The following SYN3 variants were observed in gnomAD, a reference collection of about 807,000 sequenced individuals.
SYN3 encodes synapsin III.
SYN3 carries 35 observed loss-of-function variants against 65.8 expected under a neutral mutation model. The ratio of observed to expected loss-of-function variants is 0.53; its 90% CI spans 0.41 to 0.70. The LOEUF is 0.70. SYN3 is among the 30% of genes least tolerant of loss of function. SYN3 has a pLI of 0.00. For synonymous variants in SYN3, 270 were observed against 292.9 expected, an observed-to-expected ratio of 0.92 and a Z score of 0.80; for missense variants, 680 against 749.0, an observed-to-expected ratio of 0.91 and a Z score of 1.08.
chr22:33,017,239 A>T (rs2053482669), intron 1 of SYN3, among the ~76,000 whole-genome samples: 1 of 151,946 alleles, frequency 6.6e-6, no homozygotes, highest in Non-Finnish European at 1.5e-5. Flanking sequence ...TATTTCTGGG[A>T]TCTCTTTGCT....
chr22:32,645,909 G>C (rs1309794849), intron 6 of SYN3, among the ~76,000 whole-genome samples: 1 of 151,922 alleles, frequency 6.6e-6, no homozygotes, highest in Non-Finnish European at 1.5e-5. Context: ...TGGGGGTTGG[G>C]GTGGGGTGGG....
chr22:32,811,958 G>A (rs541853083), intron 6 of SYN3, among the ~76,000 whole-genome samples: 6 of 152,258 alleles, frequency 3.9e-5, no homozygotes, highest in South Asian at 4.1e-4. Flanking sequence ...GTCAGCAACC[G>A]CTCCCCTATC....
At chr22:32,537,162 C>T (rs1489703455) in intron 9 of SYN3, among the ~76,000 whole-genome samples, 1 of 151,896 alleles carries the variant, frequency 6.6e-6, no homozygotes, top group Non-Finnish European at 1.5e-5. Flanking sequence ...TCGACCCTTC[C>T]CCCCCTTTTT....
At chr22:32,604,833 C>A (rs555909007) in intron 6 of SYN3, among the ~76,000 whole-genome samples, 17 of 151,384 alleles carry the variant, frequency 1.1e-4, no homozygotes, top group Middle Eastern at 3.4e-3. Flanking sequence ...GTGAAACCCA[C>A]TCTCTACTAA....
intron 6 of SYN3, among the ~76,000 whole-genome samples, chr22:32,709,187 A>C (rs959198536): frequency 2.0e-5 from 3 of 152,230 alleles, no homozygotes; most frequent in Non-Finnish European, 4.4e-5. Context: ...TTCCAGGATG[A>C]GACAGACAAC....
intron 4 of SYN3, among the ~76,000 whole-genome samples, chr22:32,914,489 G>A (rs1361585367): frequency 6.7e-6 from 1 of 149,130 alleles, no homozygotes; most frequent in Admixed American, 6.7e-5. Context: ...CCAGGCTGGA[G>A]TGCAGTGGCA....
chr22:32,994,203 G>A (rs1203056990), intron 2 of SYN3, among the ~76,000 whole-genome samples: 1 of 152,134 alleles, frequency 6.6e-6, no homozygotes, highest in African/African-American at 2.4e-5. Context: ...CCTGATAAAA[G>A]GGGCCGGGCC....
intron 7 of SYN3, chr22:32,583,823 T>C (rs937389647): frequency 3.3e-5 from 5 of 152,348 alleles, no homozygotes; most frequent in African/African-American, 1.2e-4. Context: ...TTTCTAACCT[T>C]AGAATCATAG....
chr22:32,965,788 G>A (rs899465679), intron 3 of SYN3, among the ~76,000 whole-genome samples: 45 of 152,144 alleles, frequency 3.0e-4, no homozygotes, highest in Admixed American at 2.0e-3. Flanking sequence ...TCCGCCTCCC[G>A]GGTTCGCGCC....
At chr22:32,758,796 GA>G (rs2045371371) in intron 6 of SYN3, among the ~76,000 whole-genome samples, 1 of 149,086 alleles carries the variant, frequency 6.7e-6, no homozygotes, top group African/African-American at 2.5e-5. Flanking sequence ...TCTAGGCTCA[GA>G]TAATTATAAA....
At chr22:32,970,041 A>T (rs376096317) in intron 3 of SYN3, among the ~76,000 whole-genome samples, 1 of 152,216 alleles carries the variant, frequency 6.6e-6, no homozygotes, top group African/African-American at 2.4e-5. Flanking sequence ...ATGCTTCAAG[A>T]GACTGAAGCC....
At chr22:32,732,873 T>C (rs566086423) in intron 6 of SYN3, among the ~76,000 whole-genome samples, 32 of 152,372 alleles carry the variant, frequency 2.1e-4, no homozygotes, top group Middle Eastern at 3.4e-3. Flanking sequence ...CATTGAATCC[T>C]GCAATCAACT....
intron 3 of SYN3, among the ~76,000 whole-genome samples, chr22:32,972,730 C>T (rs1171500215): frequency 6.6e-6 from 1 of 152,104 alleles, no homozygotes; most frequent in Non-Finnish European, 1.5e-5. Flanking sequence ...CAGTAGCCCA[C>T]ACCTGTAATC....
intron 1 of SYN3, among the ~76,000 whole-genome samples, chr22:33,022,118 T>C (rs907653035): frequency 6.6e-6 from 1 of 152,222 alleles, no homozygotes; most frequent in African/African-American, 2.4e-5. Flanking sequence ...CTGTCCCCCA[T>C]GTAAACACAA....
chr22:32,588,805 A>G (rs1351012949), intron 7 of SYN3, among the ~76,000 whole-genome samples: 1 of 152,200 alleles, frequency 6.6e-6, no homozygotes, highest in Non-Finnish European at 1.5e-5. Context: ...TTCTAATTCT[A>G]CGATGGAAAC....
chr22:32,665,943 G>A (rs966329007), intron 6 of SYN3, among the ~76,000 whole-genome samples: 3 of 151,980 alleles, frequency 2.0e-5, no homozygotes, highest in African/African-American at 2.4e-5. Flanking sequence ...GATGTCCAAC[G>A]AAATCACACA....
intron 3 of SYN3, among the ~76,000 whole-genome samples, chr22:32,957,215 A>C (rs989395083): frequency 1.3e-5 from 2 of 152,228 alleles, no homozygotes. Context: ...AGATTAGCAC[A>C]ATCCTCTTTT....
rs116608552 is a variant in SYN3 at position 32,612,984 on chromosome 22, T to C, written c.712-16248A>G. 3.8e-3 allele frequency among the ~76,000 whole-genome samples: 585 copies of C among 152,258 alleles called. 3 individuals are homozygous for C. The highest frequency in any genetic ancestry group is 0.013 in the African/African-American group (556 of 41,544). ...TGGGGGCAGATTTCTCCCTTGCTGT[T>C]CTTGCGATAGTAAGGGAGTTCTCAC... On this transcript the variant is annotated intron_variant, in intron 6 of 13. Coordinates refer to ENST00000358763, the MANE Select transcript of SYN3 (RefSeq NM_003490.4).
In SYN3 at chr22:32,556,552, C is replaced by T. The variant is rs186508798; in HGVS notation, c.775-14839G>A. Among the ~76,000 whole-genome samples, 64 of 152,240 alleles carry T rather than the reference C, an allele frequency of 4.2e-4. No homozygotes were observed. In the East Asian group the frequency reaches 9.3e-3, roughly 22 times the overall value. The stretch of plus-strand genomic sequence containing the variant: ...AAATTAAAAATATACTGTGCTACCC[C>T]CATGAGTCTGTGGCGCTCCAGGACT... On this transcript the variant is annotated intron_variant, in intron 7 of 13. Transcript: ENST00000358763.
Sources: allele counts gnomAD v4.1 joint callset (sites outside exome capture counted in the v4.1 genomes callset), GRCh38; gene constraint gnomAD v4.1.1; transcripts MANE v1.5; gene names NCBI Gene and HGNC (gene_info 2026-07-23, HGNC 2026-07-21).